Variants in TMEM79 observed in about 807,000 individuals in gnomAD.
TMEM79 encodes transmembrane protein 79, also known as mattrin.
Under a neutral mutation model 31.2 loss-of-function variants are expected in TMEM79, and 30 were observed. That is an observed-to-expected ratio of 0.96 (90% confidence interval 0.72 to 1.30). TMEM79 has a LOEUF of 1.30. Among genes scored for constraint, TMEM79 ranks in the 50% most tolerant of loss-of-function variants. The pLI, the probability that TMEM79 is intolerant of heterozygous loss-of-function variation, is 0.00. For missense variants in TMEM79, 509 were observed against 528.2 expected (o/e 0.96, Z 0.36); for synonymous variants, 213 against 229.5 (o/e 0.93, Z 0.65).
In TMEM79 at chr1:156,286,449, T is replaced by C; in HGVS notation, c.947T>C (p.Leu316Pro). ...GATACCCTCAAACTGCTCCCTCTGCTCACTGGTCTCTTTGCCGTCTCCCGG... is the reference window on the plus strand; with the variant it reads ...GATACCCTCAAACTGCTCCCTCTGCCCACTGGTCTCTTTGCCGTCTCCCGG... ...PQDTLKLLPLLTGLFAVSRLI... is the reference protein window; with the variant it reads ...PQDTLKLLPLPTGLFAVSRLI... Residue 316 changes from leucine (L) to proline (P), a missense_variant, in exon 3 of 4, where the codon CTC (leucine) becomes CCC (proline). By Grantham distance (98) the Leu-to-Pro change is moderately conservative (BLOSUM62 -3). Transcript: ENST00000405535. 1.2e-6 allele frequency: 2 copies of C among 1,614,190 alleles called. No individual in the cohort carries two copies. The highest frequency in any genetic ancestry group is 1.7e-6 in the Non-Finnish European group (2 of 1,180,034).
rs1019713785 is a variant in TMEM79, at chr1:156,285,838, G to T, written c.612G>T (p.Val204=). ...DREWLRAVAS[V]GAALILFPCL... is the part of the protein sequence containing the mutation. Reference sequence around the variant, plus strand: ...AGTGGCTAAGGGCTGTGGCCTCCGTGGGAGCCGCACTCATTCTCTTCCCTT... The same window carrying T: ...AGTGGCTAAGGGCTGTGGCCTCCGTTGGAGCCGCACTCATTCTCTTCCCTT... Residue 204 remains valine (V), a synonymous_variant, in exon 2 of 4, where the codon GTG becomes GTT. Coordinates refer to ENST00000405535, the MANE Select transcript of TMEM79 (RefSeq NM_032323.3). The T allele has an allele frequency of 1.2e-6, 2 of 1,613,618 alleles. No individual in the cohort carries two copies. Among genetic ancestry groups the T allele is most frequent in the Non-Finnish European group, 1.7e-6 (2 of 1,180,024 alleles).
intron 3 of TMEM79, among the ~76,000 whole-genome samples, chr1:156,288,596 C>T (rs572180102): frequency 6.0e-4 from 92 of 152,200 alleles, no homozygotes; most frequent in Non-Finnish European, 9.9e-4. Flanking sequence ...TCTTGGCCAC[C>T]CAAAGTGCTG....
chr1:156,287,979 C>G (rs1466579758), intron 3 of TMEM79, among the ~76,000 whole-genome samples: 1 of 151,436 alleles, frequency 6.6e-6, no homozygotes, highest in Admixed American at 6.6e-5. Flanking sequence ...CTTTGGGAGG[C>G]GGAGGCGGGC....
chr1:156,292,112 G>T lies in TMEM79; in HGVS notation c.*514G>T, dbSNP rs1663357225. 5.1e-6 allele frequency: 1 copy of T among 194,906 alleles called. No individual in the cohort carries two copies. Among genetic ancestry groups the T allele is most frequent in the South Asian group, 1.2e-4 (1 of 8,090 alleles). 12.1% of individuals were successfully genotyped at this position (194,906 alleles called of 1,614,324 possible). ...ATCAAATGGGACTGTGGTGTTTGGTGAAAACCTTCCTGAGGATCTGGATTC... is the reference window on the plus strand; with the variant it reads ...ATCAAATGGGACTGTGGTGTTTGGTTAAAACCTTCCTGAGGATCTGGATTC... On this transcript the variant is annotated 3_prime_UTR_variant, in exon 4 of 4. Coordinates refer to ENST00000405535, the MANE Select transcript of TMEM79 (RefSeq NM_032323.3).
At position 156,285,247 on chromosome 1, in the gene TMEM79, G is replaced by C. The variant is rs1663116033; in HGVS notation, c.21G>C (p.Leu7=). Residue 7 remains leucine (L), a synonymous_variant, in exon 2 of 4, where the codon CTG becomes CTC. Transcript: ENST00000405535. ...CCAGGATGACAGAACAGGAGACCCT[G>C]GCCCTACTGGAAGTGAAGAGGTCTG... The part of the protein sequence containing the change: MTEQET[L]ALLEVKRSDS... 1 of 1,545,994 alleles carries C rather than the reference G, an allele frequency of 6.5e-7. No homozygotes were observed. The highest frequency in any genetic ancestry group is 8.7e-7 in the Non-Finnish European group (1 of 1,151,040).
Position 156,291,561 on chromosome 1 carries a change from G to C in TMEM79, c.1148G>C (p.Arg383Pro). 6.2e-7 allele frequency: 1 copy of C among 1,610,672 alleles called. No homozygotes were observed. ...ESRLDYPDHA[R>P]SASDYRPRPW... ...CGCCTGGACTACCCGGACCACGCCC[G>C]CTCGGCCTCCGACTACAGGCCCCGC... The change falls in exon 4 of 4, where the codon CGC becomes CCC. Residue 383 changes from arginine to proline, a missense_variant. Physicochemically the swap from Arg to Pro is moderately radical, Grantham distance 103. Transcript: ENST00000405535.
intron 3 of TMEM79, chr1:156,290,972 C>T (rs1663306337): frequency 5.3e-6 from 1 of 189,780 alleles, no homozygotes; most frequent in East Asian, 1.3e-4. Flanking sequence ...TGAATTTGCT[C>T]AAACATTTTA....
At chr1:156,286,154 G>T in intron 2 of TMEM79, 106 bp from the exon 3 acceptor site, 1 of 1,384,184 alleles carries the variant, frequency 7.2e-7, no homozygotes, top group South Asian at 1.3e-5. Context: ...CCACCCCACT[G>T]TGTAGAGCCC....
At chr1:156,288,108 G>A (rs1572608981) in intron 3 of TMEM79, among the ~76,000 whole-genome samples, 1 of 151,472 alleles carries the variant, frequency 6.6e-6, no homozygotes, top group East Asian at 2.0e-4. Flanking sequence ...CCAACTACTC[G>A]GGAGGCTGAG....
chr1:156,286,589 G>A (rs1428305582), intron 3 of TMEM79, 116 bp downstream of exon 3: 21 of 1,037,700 alleles, frequency 2.0e-5, no homozygotes, highest in Non-Finnish European at 2.7e-5. Context: ...TGGCCCAAAT[G>A]TGTGCCCTGG....
At chr1:156,288,788 T>G (rs1663238394) in intron 3 of TMEM79, among the ~76,000 whole-genome samples, 1 of 152,228 alleles carries the variant, frequency 6.6e-6, no homozygotes, top group African/African-American at 2.4e-5. Flanking sequence ...CAGCCTTGCA[T>G]TTTCTCCCAA....
chr1:156,286,546 G>C (rs1663169758), intron 3 of TMEM79, 73 bp downstream of exon 3: 3 of 1,504,088 alleles, frequency 2.0e-6, no homozygotes, highest in Admixed American at 1.7e-5. Flanking sequence ...AATGTCTGGA[G>C]AGCCAGGGTC....
intron 3 of TMEM79, 147 bp from the exon 4 acceptor site, chr1:156,291,238 G>GGTCGCCGTAT: frequency 3.1e-6 from 2 of 648,362 alleles, no homozygotes; most frequent in South Asian, 1.8e-5. Context: ...CATGTTAAGT[G>GGTCGCCGTAT]CATAAACTTT....
Position 156,285,373 on chromosome 1 carries a change from G to A in TMEM79, c.147G>A (p.Val49=). The stretch of plus-strand genomic sequence containing the variant: ...CCCCGGGAGCTGAGTCCCTCAGAGT[G>A]GGGTCTTCAGCTGGATCTCCCACAG... ...AESPGAESLR[V]GSSAGSPTAI... Residue 49 remains valine (V), a synonymous_variant, in exon 2 of 4, where the codon GTG becomes GTA. Transcript: ENST00000405535. 1 of 1,582,322 alleles carries A rather than the reference G, an allele frequency of 6.3e-7. No individual in the cohort carries two copies. Among genetic ancestry groups the A allele is most frequent in the Non-Finnish European group, 8.6e-7 (1 of 1,163,896 alleles).
chr1:156,290,660 T>G (rs906080038), intron 3 of TMEM79: 2 of 151,822 alleles, frequency 1.3e-5, no homozygotes, highest in Admixed American at 1.3e-4. Context: ...AAACCCCATC[T>G]CTACTAAAAA....
intron 3 of TMEM79, among the ~76,000 whole-genome samples, chr1:156,289,564 A>T (rs1663256633): frequency 6.6e-6 from 1 of 152,210 alleles, no homozygotes; most frequent in South Asian, 2.1e-4. Context: ...GTGAGCCGAG[A>T]TTGGGCCACT....
chr1:156,286,172 G>A (rs1023495826), intron 2 of TMEM79, 88 bp from the exon 3 acceptor site: 1 of 1,424,556 alleles, frequency 7.0e-7, no homozygotes, highest in East Asian at 2.3e-5. Flanking sequence ...CCCATGCACT[G>A]CCCACAGTGA....
Position 156,286,473 on chromosome 1 carries a change from G to A in TMEM79, c.971G>A (p.Arg324Gln), listed in dbSNP as rs374556620. The A allele has an allele frequency of 1.4e-5, 22 of 1,614,028 alleles. No homozygotes were observed. Among genetic ancestry groups the A allele is most frequent in the Admixed American group, 1.0e-4 (6 of 60,014 alleles). Residue 324 changes from arginine (R) to glutamine (Q), a missense_variant and splice_region_variant, in exon 3 of 4, where the codon CGG becomes CAG. Transcript: ENST00000405535. ...PLLTGLFAVS[R>Q]LIYWLTFAVG... is the part of the protein sequence containing the mutation. ...CTCACTGGTCTCTTTGCCGTCTCCC[G>A]GTAAGTTGGGGCAGAGGGTGGGGCA...
chr1:156,291,473 A>C lies in TMEM79; in HGVS notation c.1060A>C (p.Met354Leu), dbSNP rs761799868. ...GTTTCTGCCACTGCTGTCGATGCTG[A>C]TGTGGAACCTCTACTACATGTTCGT... ...LTFLPLLSML[M>L]WNLYYMFVVE... The change falls in exon 4 of 4, where the codon ATG (methionine) becomes CTG (leucine). Residue 354 changes from methionine to leucine, a missense_variant. Coordinates refer to ENST00000405535, the MANE Select transcript of TMEM79 (RefSeq NM_032323.3). The C allele has an allele frequency of 1.2e-6, 2 of 1,613,122 alleles. No homozygotes were observed. Among genetic ancestry groups the C allele is most frequent in the Admixed American group, 3.3e-5 (2 of 59,974 alleles).
Sources: gnomAD v4.1 joint callset for allele counts (sites outside exome capture counted in the v4.1 genomes callset) on GRCh38, gnomAD v4.1.1 for gene constraint, MANE v1.5 for transcripts, NCBI Gene and HGNC (gene_info 2026-07-23, HGNC 2026-07-21) for gene names.